ZC3H3: variants seen among roughly 807,000 people sequenced by gnomAD.
The protein encoded by ZC3H3 is zinc finger CCCH domain-containing protein 3.
Under a neutral mutation model 77.3 loss-of-function variants are expected in ZC3H3, and 36 were observed. The ratio of observed to expected loss-of-function variants is 0.47; its 90% CI spans 0.36 to 0.61. The LOEUF (loss-of-function observed/expected upper bound fraction) is 0.61. Ranked by LOEUF, ZC3H3 falls within the 20% of genes least tolerant of loss-of-function variation. The probability of loss-of-function intolerance (pLI) is 0.00; values close to 1 mark genes in which losing one functional copy is unlikely to be tolerated. For synonymous variants in ZC3H3, 626 were observed against 555.2 expected, an observed-to-expected ratio of 1.13 and a Z score of -1.79; for missense variants, 1,331 against 1,312.2, an observed-to-expected ratio of 1.01 and a Z score of -0.22.
At chr8:143,489,883 G>A (rs1248846093) in intron 4 of ZC3H3, among the ~76,000 whole-genome samples, 1 of 152,150 alleles carries the variant, frequency 6.6e-6, no homozygotes, top group Non-Finnish European at 1.5e-5. Flanking sequence ...ACGGGGCAGC[G>A]GGACCCTTGC....
At chr8:143,459,721 T>C (rs1820208167) in intron 9 of ZC3H3, among the ~76,000 whole-genome samples, 1 of 152,052 alleles carries the variant, frequency 6.6e-6, no homozygotes, top group Non-Finnish European at 1.5e-5. Flanking sequence ...CAAGATCATT[T>C]CAATTGATCT....
At chr8:143,438,126 C>A in intron 11 of ZC3H3, 39 bp from the exon 12 acceptor site, 1 of 1,590,376 alleles carries the variant, frequency 6.3e-7, no homozygotes, top group South Asian at 1.1e-5. Flanking sequence ...CCGGAAACCC[C>A]TGGAAGAACC....
At chr8:143,519,883 C>T (rs755693592) in intron 3 of ZC3H3, among the ~76,000 whole-genome samples, 22 of 152,322 alleles carry the variant, frequency 1.4e-4, no homozygotes, top group Non-Finnish European at 3.1e-4. Flanking sequence ...TGGGAAGCCA[C>T]GGCCCAGCAC....
At chr8:143,519,055 C>T (rs1027559291) in intron 3 of ZC3H3, among the ~76,000 whole-genome samples, 7 of 152,236 alleles carry the variant, frequency 4.6e-5, no homozygotes, top group African/African-American at 1.4e-4. Flanking sequence ...GGGGCTAAGG[C>T]CAGGCCAGGG....
intron 4 of ZC3H3, among the ~76,000 whole-genome samples, chr8:143,488,501 C>T (rs1344924453): frequency 1.3e-5 from 2 of 151,072 alleles, no homozygotes; most frequent in Non-Finnish European, 2.9e-5. Context: ...ACCCGCTACA[C>T]GGCCCCATCA....
At chr8:143,445,789 C>T (rs1819851109) in intron 9 of ZC3H3, among the ~76,000 whole-genome samples, 1 of 152,100 alleles carries the variant, frequency 6.6e-6, no homozygotes, top group East Asian at 1.9e-4. Context: ...GCTCTGGGGA[C>T]AGATGCCCAT....
At chr8:143,471,534 A>G (rs1190478956) in intron 5 of ZC3H3, among the ~76,000 whole-genome samples, 1 of 151,908 alleles carries the variant, frequency 6.6e-6, no homozygotes, top group African/African-American at 2.4e-5. Flanking sequence ...CCTCTGCCCC[A>G]CCACAGGAGC....
chr8:143,504,941 C>A (rs1321777038), intron 4 of ZC3H3, among the ~76,000 whole-genome samples: 1 of 152,240 alleles, frequency 6.6e-6, no homozygotes, highest in Non-Finnish European at 1.5e-5. Flanking sequence ...AGCAACAGAG[C>A]AAGATGCTAA....
chr8:143,492,099 A>T (rs554326689), intron 4 of ZC3H3, among the ~76,000 whole-genome samples: 24 of 152,304 alleles, frequency 1.6e-4, no homozygotes, highest in Middle Eastern at 3.4e-3. Flanking sequence ...GGGAATGGAG[A>T]GGAGAAACAA....
At chr8:143,522,839 C>A (rs1378895585) in intron 3 of ZC3H3, among the ~76,000 whole-genome samples, 1 of 152,146 alleles carries the variant, frequency 6.6e-6, no homozygotes, top group Non-Finnish European at 1.5e-5. Flanking sequence ...CTGGGAGGAT[C>A]ACTTGAGCCT....
At chr8:143,529,383 G>A (rs937950051) in intron 3 of ZC3H3, among the ~76,000 whole-genome samples, 1 of 152,200 alleles carries the variant, frequency 6.6e-6, no homozygotes, top group African/African-American at 2.4e-5. Context: ...AATCCACCCA[G>A]GCCTCTGATG....
chr8:143,523,406 T>C (rs1822313523), intron 3 of ZC3H3: 1 of 985,268 alleles, frequency 1.0e-6, no homozygotes, highest in Non-Finnish European at 1.2e-6. Context: ...CAGTTCATGT[T>C]TTCCCGGTGC....
At chr8:143,523,264 T>TC (rs1438664691) in intron 3 of ZC3H3, 1 of 972,064 alleles carries the variant, frequency 1.0e-6, no homozygotes, top group East Asian at 1.1e-4. Flanking sequence ...CCAGGCTTGC[T>TC]CCACGTCCCC....
chr8:143,451,868 C>T (rs916988869), intron 9 of ZC3H3, among the ~76,000 whole-genome samples: 8 of 152,114 alleles, frequency 5.3e-5, no homozygotes, highest in Non-Finnish European at 1.0e-4. Context: ...AAAGTACCAA[C>T]CTACCATCCC....
chr8:143,504,001 G>A (rs532824240), intron 4 of ZC3H3, among the ~76,000 whole-genome samples: 6 of 152,336 alleles, frequency 3.9e-5, no homozygotes, highest in South Asian at 4.1e-4. Flanking sequence ...GAGAGGGCGC[G>A]TGTGCCAAAT....
In ZC3H3 at chr8:143,475,484, C is replaced by A. The variant is rs1397756868; in HGVS notation, c.1817G>T (p.Gly606Val). The A allele has an allele frequency of 6.2e-7, 1 of 1,612,986 alleles. No individual in the cohort carries two copies. The highest frequency in any genetic ancestry group is 1.3e-5 in the African/African-American group (1 of 74,936). The change falls in exon 5 of 12, where the codon GGG (glycine) becomes GTG (valine). Residue 606 changes from glycine (G) to valine (V), a missense_variant. This residue lies in a region of ZC3H3 where 978 missense variants were observed against 915.5 expected (regional missense o/e 1.07). Transcript: ENST00000262577. ...GTTGGCAGATACTTTGTAGAGGACCCCTCCGATGCAGCGGTAGCCTTTGCT... is the reference window on the plus strand; with the variant it reads ...GTTGGCAGATACTTTGTAGAGGACCACTCCGATGCAGCGGTAGCCTTTGCT... ...WRSKGYRCIG[G>V]VLYKVSANKL...
At chr8:143,511,174 G>A (rs1444717586) in intron 3 of ZC3H3, among the ~76,000 whole-genome samples, 3 of 152,218 alleles carry the variant, frequency 2.0e-5, no homozygotes, top group Admixed American at 1.3e-4. Flanking sequence ...GAGCCCTGCT[G>A]TGTACCAAGC....
At chr8:143,534,573 C>A (rs117480737) in intron 3 of ZC3H3, among the ~76,000 whole-genome samples, 10,051 of 152,236 alleles carry the variant, frequency 0.066, 387 homozygotes, top group South Asian at 0.14. Context: ...CCAACCACCA[C>A]GCCATCTGCA....
At chr8:143,500,750 G>A (rs1821500367) in intron 4 of ZC3H3, among the ~76,000 whole-genome samples, 1 of 151,790 alleles carries the variant, frequency 6.6e-6, no homozygotes, top group African/African-American at 2.4e-5. Flanking sequence ...CATCCACAGG[G>A]GTGGAAGCCT....
Sources: gnomAD v4.1 joint callset for allele counts (sites outside exome capture counted in the v4.1 genomes callset) on GRCh38, gnomAD v4.1.1 for gene constraint, gnomAD v4.1.1 regional missense constraint, MANE v1.5 for transcripts, NCBI Gene and HGNC (gene_info 2026-07-23, HGNC 2026-07-21) for gene names.